AGBL4: variants seen among roughly 807,000 people sequenced by gnomAD.
AGBL4 encodes the protein AGBL carboxypeptidase 4, also known as cytosolic carboxypeptidase 6.
AGBL4 carries 58 observed loss-of-function variants against 66.4 expected under a neutral mutation model. That is an observed-to-expected ratio of 0.87 (90% CI 0.71 to 1.09). The LOEUF is 1.09. Ranked by LOEUF, AGBL4 falls within the 50% of genes least tolerant of loss-of-function variation. AGBL4 has a pLI of 0.00. For synonymous variants in AGBL4, 234 were observed against 222.9 expected (o/e 1.05, Z -0.44); for missense variants, 579 against 631.0 (o/e 0.92, Z 0.88).
At chr1:49,126,373 A>C (rs1405501145) in intron 4 of AGBL4, among the ~76,000 whole-genome samples, 1 of 152,142 alleles carries the variant, frequency 6.6e-6, no homozygotes, top group African/African-American at 2.4e-5. Flanking sequence ...GAAGCTCATA[A>C]TCTCTAATCT....
intron 3 of AGBL4, among the ~76,000 whole-genome samples, chr1:49,624,254 T>G (rs1270029333): frequency 6.6e-6 from 1 of 152,156 alleles, no homozygotes; most frequent in African/African-American, 2.4e-5. Context: ...CTGTATTAAA[T>G]TAAAACCCTT....
chr1:49,771,700 A>T (rs1291918561), intron 2 of AGBL4, among the ~76,000 whole-genome samples: 1 of 152,130 alleles, frequency 6.6e-6, no homozygotes. Context: ...ATATATTTAC[A>T]ATTGTTACAC....
At chr1:49,253,272 A>G (rs963454858) in intron 3 of AGBL4, among the ~76,000 whole-genome samples, 1 of 152,176 alleles carries the variant, frequency 6.6e-6, no homozygotes, top group Non-Finnish European at 1.5e-5. Flanking sequence ...TTCTGAAAAA[A>G]CAGACTTTAA....
At chr1:49,052,375 T>C (rs1410516955) in intron 4 of AGBL4, among the ~76,000 whole-genome samples, 1 of 152,114 alleles carries the variant, frequency 6.6e-6, no homozygotes, top group Non-Finnish European at 1.5e-5. Context: ...CCAATCCAGA[T>C]TCCTGACAGG....
chr1:48,822,164 C>T (rs922800196), intron 6 of AGBL4, among the ~76,000 whole-genome samples: 1 of 152,258 alleles, frequency 6.6e-6, no homozygotes, highest in South Asian at 2.1e-4. Context: ...ATAATTGATT[C>T]TGCAATTATA....
intron 6 of AGBL4, among the ~76,000 whole-genome samples, chr1:48,712,680 C>G (rs1646987215): frequency 6.6e-6 from 1 of 152,070 alleles, no homozygotes; most frequent in Non-Finnish European, 1.5e-5. Context: ...CACACCTGGC[C>G]TAGAGGAGGC....
chr1:49,190,904 A>G (rs1281341956), intron 4 of AGBL4, among the ~76,000 whole-genome samples: 1 of 152,066 alleles, frequency 6.6e-6, no homozygotes, highest in East Asian at 1.9e-4. Flanking sequence ...CAGGCCTGGA[A>G]CTCCTGCCTC....
intron 4 of AGBL4, among the ~76,000 whole-genome samples, chr1:49,132,019 C>T (rs1012263466): frequency 2.6e-5 from 4 of 152,030 alleles, no homozygotes; most frequent in African/African-American, 4.8e-5. Flanking sequence ...AGATGCATTT[C>T]CCAGGGAATT....
intron 4 of AGBL4, among the ~76,000 whole-genome samples, chr1:49,194,846 T>A (rs1238636482): frequency 6.6e-6 from 1 of 152,122 alleles, no homozygotes; most frequent in Non-Finnish European, 1.5e-5. Context: ...GATCTGTTTT[T>A]TTTTTTTTTG....
At chr1:49,621,939 T>C (rs911926027) in intron 3 of AGBL4, among the ~76,000 whole-genome samples, 1 of 152,218 alleles carries the variant, frequency 6.6e-6, no homozygotes, top group Non-Finnish European at 1.5e-5. Context: ...TTTATACTCT[T>C]TCTCCATCTG....
chr1:49,093,225 G>C (rs1466606301), intron 4 of AGBL4, among the ~76,000 whole-genome samples: 1 of 152,102 alleles, frequency 6.6e-6, no homozygotes, highest in African/African-American at 2.4e-5. Flanking sequence ...GCTGATGAGG[G>C]GGCTCTAGTC....
chr1:48,934,994 A>AGTCG (rs1444216885), intron 5 of AGBL4, among the ~76,000 whole-genome samples: 3 of 152,176 alleles, frequency 2.0e-5, no homozygotes, highest in Admixed American at 2.0e-4. Flanking sequence ...TCAGTCGTTC[A>AGTCG]TTCATTCATT....
At position 49,906,219 on chromosome 1, in the gene AGBL4, A is replaced by G. The variant is rs982090836; in HGVS notation, c.35-54701T>C. Among the ~76,000 whole-genome samples, 4 of 151,906 alleles carry G rather than the reference A, an allele frequency of 2.6e-5. No individual in the cohort carries two copies. In the South Asian group the frequency reaches 6.2e-4, roughly 24 times the overall value. ...AAAGTTTTCTCCAAACTATTTAGGA[A>G]ATAGTATTTATTAATTTATTGCAGT... On this transcript the variant is annotated intron_variant, in intron 1 of 13. Transcript: ENST00000371839.
intron 5 of AGBL4, among the ~76,000 whole-genome samples, chr1:48,959,774 A>G (rs977781939): frequency 6.6e-6 from 1 of 152,226 alleles, no homozygotes; most frequent in African/African-American, 2.4e-5. Context: ...TGGTGAGTGC[A>G]TGGAGCAGCA....
intron 2 of AGBL4, among the ~76,000 whole-genome samples, chr1:49,716,363 T>C (rs1329932539): frequency 6.6e-6 from 1 of 152,144 alleles, no homozygotes; most frequent in Non-Finnish European, 1.5e-5. Context: ...AGCCTTGTAG[T>C]ATAGTTTGAA....
chr1:49,187,339 C>A (rs1442942372), intron 4 of AGBL4: 1 of 152,120 alleles, frequency 6.6e-6, no homozygotes, highest in Non-Finnish European at 1.5e-5. Flanking sequence ...CACTGAAGTG[C>A]ATCACAACAC....
intron 1 of AGBL4, among the ~76,000 whole-genome samples, chr1:49,915,977 C>A (rs1041661031): frequency 8.5e-5 from 13 of 152,194 alleles, no homozygotes; most frequent in African/African-American, 3.1e-4. Flanking sequence ...CAAACAGGGT[C>A]TGGAGTGGAC....
intron 3 of AGBL4, among the ~76,000 whole-genome samples, chr1:49,555,360 T>C (rs1007007002): frequency 3.3e-4 from 46 of 139,440 alleles, no homozygotes; most frequent in African/African-American, 1.2e-3. Flanking sequence ...GAGTGCTGAT[T>C]GGTGCATTTA....
At chr1:49,822,208 T>C (rs1571641146) in intron 2 of AGBL4, among the ~76,000 whole-genome samples, 1 of 152,230 alleles carries the variant, frequency 6.6e-6, no homozygotes, top group African/African-American at 2.4e-5. Context: ...AATATGTTTT[T>C]AAAACTATAA....
Sources: gnomAD v4.1 joint callset for allele counts (sites outside exome capture counted in the v4.1 genomes callset) on GRCh38, gnomAD v4.1.1 for gene constraint, MANE v1.5 for transcripts, NCBI Gene and HGNC (gene_info 2026-07-23, HGNC 2026-07-21) for gene names.